The following STAG1 variants were observed in gnomAD, a reference collection of about 807,000 sequenced individuals.
STAG1 encodes cohesin subunit SA-1.
A neutral mutation model predicts 170.9 loss-of-function variants in STAG1; 26 were observed. The ratio of observed to expected loss-of-function variants is 0.15; its 90% CI spans 0.11 to 0.21. The LOEUF (loss-of-function observed/expected upper bound fraction) is 0.21, where lower values mean the gene tolerates loss of function less well. STAG1 is among the 10% of genes least tolerant of loss of function. STAG1 has a pLI of 1.00. For synonymous variants in STAG1, 514 were observed against 497.7 expected, an observed-to-expected ratio of 1.03 and a Z score of -0.44; for missense variants, 964 against 1,509.5, an observed-to-expected ratio of 0.64 and a Z score of 5.99.
chr3:136,410,425 G>A (rs1367051510), intron 21 of STAG1, among the ~76,000 whole-genome samples: 1 of 151,886 alleles, frequency 6.6e-6, no homozygotes, highest in Admixed American at 6.6e-5. Context: ...TTTGCCCTAA[G>A]ACCAACATCA....
At chr3:136,502,057 T>C (rs1237318681) in intron 8 of STAG1, among the ~76,000 whole-genome samples, 1 of 152,032 alleles carries the variant, frequency 6.6e-6, no homozygotes. Context: ...GGCACATGCC[T>C]GTACTCCCAG....
intron 4 of STAG1, among the ~76,000 whole-genome samples, chr3:136,573,497 G>A (rs1937342703): frequency 6.6e-6 from 1 of 151,816 alleles, no homozygotes. Flanking sequence ...GCAAACCCAT[G>A]GATAATACAG....
At chr3:136,588,904 A>G (rs1295876963) in intron 4 of STAG1, among the ~76,000 whole-genome samples, 3 of 152,154 alleles carry the variant, frequency 2.0e-5, no homozygotes, top group African/African-American at 7.2e-5. Context: ...CTCGGACTAC[A>G]GGCACGTGTC....
At chr3:136,502,970 A>G (rs1009714000) in intron 7 of STAG1, among the ~76,000 whole-genome samples, 191 bp from the exon 8 acceptor site, 4 of 152,110 alleles carry the variant, frequency 2.6e-5, no homozygotes, top group African/African-American at 7.2e-5. Flanking sequence ...AATTTTCTCT[A>G]CCTCAGCTTG....
intron 1 of STAG1, among the ~76,000 whole-genome samples, chr3:136,686,210 T>C (rs569711087): frequency 6.6e-6 from 1 of 152,338 alleles, no homozygotes; most frequent in African/African-American, 2.4e-5. Flanking sequence ...CAACTCCAAA[T>C]TAGTTGGGTG....
intron 1 of STAG1, among the ~76,000 whole-genome samples, chr3:136,697,980 C>T (rs1942947032): frequency 6.6e-6 from 1 of 151,332 alleles, no homozygotes; most frequent in African/African-American, 2.4e-5. Context: ...TTATGAAATA[C>T]ACATTATAAC....
intron 5 of STAG1, among the ~76,000 whole-genome samples, chr3:136,566,336 G>A (rs1483301615): frequency 6.6e-6 from 1 of 152,136 alleles, no homozygotes; most frequent in Non-Finnish European, 1.5e-5. Context: ...CTGCAATGTG[G>A]AAGAGGGCCC....
chr3:136,377,856 G>C (rs760394420), intron 22 of STAG1, 104 bp from the exon 23 acceptor site: 4 of 890,410 alleles, frequency 4.5e-6, no homozygotes, highest in Non-Finnish European at 7.2e-6. Context: ...TATTCTCAAG[G>C]AAATTCATAT....
At chr3:136,728,925 T>C (rs184958653) in intron 1 of STAG1, among the ~76,000 whole-genome samples, 95 of 152,302 alleles carry the variant, frequency 6.2e-4, no homozygotes, top group African/African-American at 2.2e-3. Flanking sequence ...GTTTCATTTC[T>C]ATTTAACAAA....
chr3:136,465,283 G>A (rs1435174747), intron 12 of STAG1, among the ~76,000 whole-genome samples: 5 of 140,416 alleles, frequency 3.6e-5, no homozygotes, highest in Non-Finnish European at 7.5e-5. Flanking sequence ...ACAACACCAT[G>A]ATCTTGGCTC....
In STAG1 at chr3:136,337,186, A is replaced by AAT. The variant is rs1553786551; in HGVS notation, c.*1066_*1067dup. On this transcript the variant is annotated 3_prime_UTR_variant, in exon 34 of 34. Transcript: ENST00000383202. ...ACTTCTATGCAGCACATACTTCTAT[A>AAT]ATCAGTAAACTTAATTCACAAAATT... 2.6e-5 allele frequency: 4 copies of AAT among 152,484 alleles called. No individual in the cohort carries two copies. The East Asian group carries it at 7.8e-4, about 30-fold the overall frequency. 9.4% of individuals were successfully genotyped at this position (152,484 alleles called of 1,614,324 possible).
chr3:136,477,958 T>G (rs761917191), intron 9 of STAG1, among the ~76,000 whole-genome samples: 2 of 151,924 alleles, frequency 1.3e-5, no homozygotes, highest in Non-Finnish European at 2.9e-5. Flanking sequence ...CCTGAGTAAT[T>G]TTTGTATTTT....
chr3:136,590,485 T>A (rs1236530254), intron 4 of STAG1, among the ~76,000 whole-genome samples: 1 of 148,254 alleles, frequency 6.7e-6, no homozygotes, highest in Non-Finnish European at 1.5e-5. Flanking sequence ...AGAACAAGAC[T>A]CTGTCTCAAA....
rs574209417 is a variant in STAG1, at chr3:136,355,225, G to A, written c.3065+2495C>T. Among the ~76,000 whole-genome samples the A allele has an allele frequency of 1.7e-3, 254 of 151,528 alleles. 1 individual carries two copies. Among genetic ancestry groups the A allele is most frequent in the African/African-American group, 5.1e-3 (210 of 41,288 alleles). On this transcript the variant is annotated intron_variant, in intron 28 of 33. Transcript: ENST00000383202. ...AAATTAGCCAGGTGTGGTGGCACGC[G>A]CCTATAGTCCCAGCTACCCAGAAGG...
intron 1 of STAG1, among the ~76,000 whole-genome samples, chr3:136,693,672 T>C (rs1277697790): frequency 6.6e-6 from 1 of 152,062 alleles, no homozygotes; most frequent in Non-Finnish European, 1.5e-5. Flanking sequence ...CGGGCTCAAC[T>C]AATCCTTCCA....
chr3:136,432,518 G>GT (rs60461509), intron 16 of STAG1, among the ~76,000 whole-genome samples: 27,375 of 100,240 alleles, frequency 0.27, 4,098 homozygotes, highest in African/African-American at 0.47. Context: ...TTTTTTTGGG[G>GT]GGGGGGGGGC....
intron 1 of STAG1, among the ~76,000 whole-genome samples, chr3:136,681,795 T>A (rs1250777022): frequency 1.3e-5 from 2 of 151,678 alleles, no homozygotes; most frequent in African/African-American, 4.8e-5. Context: ...ATCATCTCAA[T>A]GCAGGAAAAA....
chr3:136,628,994 C>T (rs186344345), intron 2 of STAG1, among the ~76,000 whole-genome samples: 5 of 152,078 alleles, frequency 3.3e-5, no homozygotes, highest in Non-Finnish European at 1.5e-5. Context: ...ACCAAGAGTA[C>T]CATCTTCGGC....
chr3:136,380,455 T>C (rs912969943), intron 22 of STAG1, among the ~76,000 whole-genome samples: 5 of 152,026 alleles, frequency 3.3e-5, no homozygotes, highest in Non-Finnish European at 5.9e-5. Context: ...TTGGCCAAGA[T>C]GGTCTTGATC....
Sources: gnomAD v4.1 joint callset for allele counts (sites outside exome capture counted in the v4.1 genomes callset) on GRCh38, gnomAD v4.1.1 for gene constraint, MANE v1.5 for transcripts, NCBI Gene and HGNC (gene_info 2026-07-23, HGNC 2026-07-21) for gene names.